The following ATP13A3 variants were observed in gnomAD, a reference collection of about 807,000 sequenced individuals.
ATP13A3 encodes the protein polyamine-transporting ATPase 13A3.
In ATP13A3, 59 loss-of-function variants were observed where a neutral mutation model predicts 158.1. The observed-to-expected ratio is 0.37, with a 90% CI of 0.30 to 0.46. The LOEUF (loss-of-function observed/expected upper bound fraction) is 0.46. ATP13A3 is among the 20% of genes least tolerant of loss of function. The pLI, the probability that ATP13A3 is intolerant of heterozygous loss-of-function variation, is 1.00. For synonymous variants in ATP13A3, 491 were observed against 504.3 expected, an observed-to-expected ratio of 0.97 and a Z score of 0.35; for missense variants, 1,166 against 1,525.2, an observed-to-expected ratio of 0.76 and a Z score of 3.92.
chr3:194,452,959 T>C (rs1409884190), intron 10 of ATP13A3: 2 of 152,140 alleles, frequency 1.3e-5, no homozygotes, highest in Middle Eastern at 3.2e-3. Context: ...CAATTTTATA[T>C]AAATAAATGA....
In ATP13A3 at chr3:194,448,680, T is replaced by C. The variant is rs758247146; in HGVS notation, c.971-44A>G. 3.0e-5 allele frequency: 47 copies of C among 1,568,410 alleles called. No individual in the cohort carries two copies. Among genetic ancestry groups the C allele is most frequent in the African/African-American group, 4.1e-5 (3 of 72,898 alleles). ...ACAACAAAAACAGTTTACAAATTAT[T>C]AAACGAAAGCACAGGAATCAGTATC... On this transcript the variant is annotated intron_variant, in intron 11 of 33. Coordinates refer to ENST00000645319, the MANE Select transcript of ATP13A3 (RefSeq NM_001367549.1). The surrounding 1 kb of genome is among the most constrained non-coding windows in gnomAD (Gnocchi z 4.0).
chr3:194,443,046 A>G (rs1164766131), intron 15 of ATP13A3, among the ~76,000 whole-genome samples: 1 of 152,062 alleles, frequency 6.6e-6, no homozygotes, highest in Non-Finnish European at 1.5e-5. Context: ...CTTAAAAAAA[A>G]AAAAAAGAGT....
rs1714811950 is a variant in ATP13A3 at position 194,404,603 on chromosome 3, AT to A, written c.*1315del. On this transcript the variant is annotated 3_prime_UTR_variant, in exon 34 of 34. Coordinates refer to ENST00000645319, the MANE Select transcript of ATP13A3 (RefSeq NM_001367549.1). Reference sequence around the variant, plus strand: ...ACTGTGGGCGTTGCCAGACTGCTGGATCCACCTATAAAAGGTGTTTTTTAAA... The same window carrying A: ...ACTGTGGGCGTTGCCAGACTGCTGGACCACCTATAAAAGGTGTTTTTTAAA... 2 of 152,436 alleles carry A rather than the reference AT, an allele frequency of 1.3e-5. No homozygotes were observed. The highest frequency in any genetic ancestry group is 1.3e-4 in the Admixed American group (2 of 15,280). 9.4% of individuals were successfully genotyped at this position (152,436 alleles called of 1,614,324 possible). A position where few individuals can be genotyped will look rare whatever the true frequency, so the allele number is the denominator to read the frequency against.
At position 194,419,895 on chromosome 3, in the gene ATP13A3, A is replaced by G. The variant is rs1046826926; in HGVS notation, c.3386T>C (p.Val1129Ala). 7 of 1,564,410 alleles carry G rather than the reference A, an allele frequency of 4.5e-6. No individual in the cohort carries two copies. The African/African-American group carries it at 9.8e-5, about 22-fold the overall frequency. The change falls in exon 31 of 34, where the codon GTT (valine) becomes GCT (alanine). Residue 1129 changes from valine to alanine, a missense_variant. Val to Ala is a moderately conservative substitution (Grantham distance 64, BLOSUM62 0). Transcript: ENST00000645319. ...AAGTCTTACCTGAAGAACCTGGTCAACAGAGGCAACTGGATACAACATGAT... is the reference window on the plus strand; with the variant it reads ...AAGTCTTACCTGAAGAACCTGGTCAGCAGAGGCAACTGGATACAACATGAT... ...LFIMLYPVASVDQVLQIVCVP... is the reference protein window; with the variant it reads ...LFIMLYPVASADQVLQIVCVP...
chr3:194,412,497 T>C, intron 32 of ATP13A3: 1 of 533,586 alleles, frequency 1.9e-6, no homozygotes, highest in Non-Finnish European at 3.4e-6. Flanking sequence ...CTTGATAAAA[T>C]GAGACTTCTA....
chr3:194,430,472 G>A lies in ATP13A3; in HGVS notation c.2625-157C>T, dbSNP rs74553377. On this transcript the variant is annotated intron_variant, in intron 24 of 33. Transcript: ENST00000645319. ...TTTTCACTATAATGAACACAGGTGTGCTGCTTTGCAAACAGCACCAGACCA... is the reference window on the plus strand; with the variant it reads ...TTTTCACTATAATGAACACAGGTGTACTGCTTTGCAAACAGCACCAGACCA... 0.041 allele frequency among the ~76,000 whole-genome samples: 6,292 copies of A among 152,216 alleles called. 417 individuals are homozygous for A. The highest frequency in any genetic ancestry group is 0.14 in the African/African-American group (5,722 of 41,516).
Position 194,419,904 on chromosome 3 carries a change from A to C in ATP13A3, c.3377T>G (p.Val1126Gly). The C allele has an allele frequency of 6.4e-7, 1 of 1,560,936 alleles. No homozygotes were observed. Among genetic ancestry groups the C allele is most frequent in the Non-Finnish European group, 8.6e-7 (1 of 1,164,332 alleles). Residue 1126 changes from valine to glycine, a missense_variant, in exon 31 of 34, where the codon GTT becomes GGT. Val to Gly is a moderately radical substitution (Grantham distance 109, BLOSUM62 -3). Coordinates refer to ENST00000645319, the MANE Select transcript of ATP13A3 (RefSeq NM_001367549.1). ...CTGAAGAACCTGGTCAACAGAGGCA[A>C]CTGGATACAACATGATGAATAATAT... ...IFILFIMLYP[V>G]ASVDQVLQIV... is the part of the protein sequence containing the mutation.
chr3:194,420,947 C>CT (rs1291409877), intron 30 of ATP13A3, among the ~76,000 whole-genome samples: 1 of 149,906 alleles, frequency 6.7e-6, no homozygotes, highest in African/African-American at 2.5e-5. Flanking sequence ...AAAGAACTTA[C>CT]TTTTTACTGA....
Position 194,437,461 on chromosome 3 carries a change from T to C in ATP13A3, c.1849A>G (p.Thr617Ala), listed in dbSNP as rs368480743. ...TGGCGAACAATTCCTATCTCATAAG[T>C]AGCCTATATCATTTCAAAAGAGGCA... ...QEMELFELPA[T>A]YEIGIVRQFP... is the part of the protein sequence containing the mutation. Residue 617 changes from threonine (T) to alanine (A), a missense_variant, in exon 19 of 34, where the codon ACT becomes GCT. Physicochemically the swap from Thr to Ala is moderately conservative, Grantham distance 58 (BLOSUM62 0). Coordinates refer to ENST00000645319, the MANE Select transcript of ATP13A3 (RefSeq NM_001367549.1). 16 of 1,614,172 alleles carry C rather than the reference T, an allele frequency of 9.9e-6. No homozygotes were observed. In the African/African-American group the frequency reaches 1.7e-4, roughly 17 times the overall value.
intron 6 of ATP13A3, among the ~76,000 whole-genome samples, chr3:194,458,134 A>C (rs1364539690): frequency 6.6e-6 from 1 of 152,124 alleles, no homozygotes; most frequent in Non-Finnish European, 1.5e-5. Flanking sequence ...TCTAAAGCAA[A>C]GAAAGTCTTA....
At chr3:194,437,289 C>A (rs761787982) in intron 19 of ATP13A3, 22 bp downstream of exon 19, 1 of 1,613,988 alleles carries the variant, frequency 6.2e-7, no homozygotes, top group African/African-American at 1.3e-5. Context: ...GAATTGTACC[C>A]AAAGCATAGA....
In ATP13A3 at chr3:194,425,232, C is replaced by G. The variant is rs185763853; in HGVS notation, c.3313+110G>C. The G allele has an allele frequency of 1.6e-4, 163 of 1,028,580 alleles. No homozygotes were observed. The African/African-American group carries it at 2.5e-3, about 16-fold the overall frequency. 63.7% of individuals were successfully genotyped at this position (1,028,580 alleles called of 1,614,324 possible). A position where few individuals can be genotyped will look rare whatever the true frequency, so the allele number is the denominator to read the frequency against. On this transcript the variant is annotated intron_variant, in intron 30 of 33. Coordinates refer to ENST00000645319, the MANE Select transcript of ATP13A3 (RefSeq NM_001367549.1). ...AAACATCTAAATCACTAAGTTGATT[C>G]TATCTGTGAAGATCTGGTTTACTGT...
intron 24 of ATP13A3, among the ~76,000 whole-genome samples, chr3:194,430,520 T>C (rs1717141001): frequency 6.6e-6 from 1 of 152,210 alleles, no homozygotes; most frequent in Non-Finnish European, 1.5e-5. Context: ...GCTAGGTTAT[T>C]GTCCTATTTC....
chr3:194,430,044 G>C (rs774900321), intron 26 of ATP13A3, 28 bp downstream of exon 26: 2 of 1,563,390 alleles, frequency 1.3e-6, no homozygotes, highest in Admixed American at 1.8e-5. Flanking sequence ...AGAGAAAAAG[G>C]GATGAGAAAA....
rs1714702426 is a variant in ATP13A3 at position 194,402,742 on chromosome 3, A to G, written c.*3177T>C. 1 of 152,234 alleles carries G rather than the reference A, an allele frequency of 6.6e-6. No individual in the cohort carries two copies. The allele number at this position is 152,234 out of a possible 1,614,324, so 9.4% of individuals were successfully genotyped here. A position where few individuals can be genotyped will look rare whatever the true frequency, so the allele number is the denominator to read the frequency against. Reference sequence around the variant, plus strand: ...AAAAAGGTTTCATAAGATTATTTACAATGCTGAATGTACAATTATGAATGT... The same window carrying G: ...AAAAAGGTTTCATAAGATTATTTACGATGCTGAATGTACAATTATGAATGT... On this transcript the variant is annotated 3_prime_UTR_variant, in exon 34 of 34. Transcript: ENST00000645319.
Position 194,427,093 on chromosome 3 carries a change from A to C in ATP13A3, c.3107T>G (p.Val1036Gly). Residue 1036 changes from valine (V) to glycine (G), a missense_variant, in exon 29 of 34, where the codon GTG becomes GGG. By Grantham distance (109) the Val-to-Gly change is moderately radical. Transcript: ENST00000645319. ...FWVKQQPWYE[V>G]WHPKSDACNT... ...AACTTACTCTGATTTTGGATGCCAC[A>C]CTTCATACCAAGGTTGCTGTTTGAC... is the stretch of plus-strand genomic sequence containing the variant. The C allele has an allele frequency of 6.2e-7, 1 of 1,612,974 alleles. No homozygotes were observed.
intron 15 of ATP13A3, among the ~76,000 whole-genome samples, chr3:194,443,276 T>G (rs571340102): frequency 1.3e-5 from 2 of 150,810 alleles, no homozygotes; most frequent in African/African-American, 4.9e-5. Flanking sequence ...GGCAGGGGAG[T>G]GGTTAAAAGG....
chr3:194,431,340 C>T lies in ATP13A3; in HGVS notation c.2422-114G>A. On this transcript the variant is annotated intron_variant, in intron 22 of 33. Transcript: ENST00000645319. ...TTCTTTCATTTGATATGTTCCACAA[C>T]ATGATGAAAGCCGGACATTTATTCA... is the stretch of plus-strand genomic sequence containing the variant. The T allele has an allele frequency of 8.1e-6, 10 of 1,236,194 alleles. No individual in the cohort carries two copies. In the South Asian group the frequency reaches 8.4e-5, roughly 10 times the overall value. 76.6% of individuals were successfully genotyped at this position (1,236,194 alleles called of 1,614,324 possible). A position where few individuals can be genotyped will look rare whatever the true frequency, so the allele number is the denominator to read the frequency against.
intron 15 of ATP13A3, among the ~76,000 whole-genome samples, chr3:194,443,985 T>A (rs1006228584): frequency 7.0e-6 from 1 of 143,606 alleles, no homozygotes; most frequent in African/African-American, 2.8e-5. Flanking sequence ...CTCAATTTTA[T>A]AAGAAATGAG....
Sources: allele counts gnomAD v4.1 joint callset (sites outside exome capture counted in the v4.1 genomes callset), GRCh38; gene constraint gnomAD v4.1.1; non-coding constraint Gnocchi (gnomAD v3.1); transcripts MANE v1.5; gene names NCBI Gene and HGNC (gene_info 2026-07-23, HGNC 2026-07-21).